Variants in ERCC2 observed in about 807,000 individuals in gnomAD.
ERCC2 encodes ERCC excision repair 2, TFIIH core complex helicase subunit, also known as general transcription and DNA repair factor IIH helicase subunit XPD.
A neutral mutation model predicts 99.4 loss-of-function variants in ERCC2; 90 were observed. The observed-to-expected ratio is 0.91, with a 90% CI of 0.76 to 1.08. The LOEUF (loss-of-function observed/expected upper bound fraction) is 1.08, where lower values mean the gene tolerates loss of function less well. Among genes scored for constraint, ERCC2 ranks in the 50% least tolerant of loss-of-function variants. The pLI, the probability that ERCC2 is intolerant of heterozygous loss-of-function variation, is 0.00. For missense variants in ERCC2, 993 were observed against 1,038.1 expected, an observed-to-expected ratio of 0.96 and a Z score of 0.60; for synonymous variants, 497 against 432.4, an observed-to-expected ratio of 1.15 and a Z score of -1.85.
intron 12 of ERCC2, chr19:45,358,826 T>C (rs781263157): frequency 1.5e-5 from 12 of 780,880 alleles, no homozygotes; most frequent in Middle Eastern, 2.3e-4. Flanking sequence ...TCTTTGCTAC[T>C]GGTTTTCCCA....
At chr19:45,354,987 C>CCT in intron 16 of ERCC2, 136 bp from the exon 17 acceptor site, 1 of 1,140,252 alleles carries the variant, frequency 8.8e-7, no homozygotes, top group Non-Finnish European at 1.3e-6. Context: ...CTCCTCCTCC[C>CCT]GGGCGTGTCT....
chr19:45,350,769 A>T lies in ERCC2; in HGVS notation c.*860T>A, dbSNP rs1331134533. Reference sequence around the variant, plus strand: ...CCGGGTGAGTGTTGATCAGGTCGGCAAAGAGCCCTGACATCAGCAGAATCC... The same window carrying T: ...CCGGGTGAGTGTTGATCAGGTCGGCTAAGAGCCCTGACATCAGCAGAATCC... On this transcript the variant is annotated 3_prime_UTR_variant, in exon 23 of 23. Transcript: ENST00000391945. 1 of 1,594,680 alleles carries T rather than the reference A, an allele frequency of 6.3e-7. No individual in the cohort carries two copies. Among genetic ancestry groups the T allele is most frequent in the South Asian group, 1.1e-5 (1 of 88,818 alleles).
rs1365162227 is a variant in ERCC2 at position 45,368,948 on chromosome 19, A to G, written c.228T>C (p.Thr76=). Residue 76 remains threonine (T), a synonymous_variant, in exon 4 of 23, where the codon ACT becomes ACC. Transcript: ENST00000391945. ...AGCTTACCTTCTCAATCTCTGGCAC[A>G]GTTCTTGAGCAGTAGATGAGTTTGG... ...EVTKLIYCSR[T]VPEIEKVIEE... The G allele has an allele frequency of 6.2e-7, 1 of 1,614,100 alleles. No homozygotes were observed. Among genetic ancestry groups the G allele is most frequent in the African/African-American group, 1.3e-5 (1 of 74,926 alleles).
chr19:45,350,459 C>CCTCCTGGTGGCTT lies in ERCC2; in HGVS notation c.*1157_*1169dup, dbSNP rs774530370. 2.5e-6 allele frequency: 4 copies of CCTCCTGGTGGCTT among 1,612,966 alleles called. No individual in the cohort carries two copies. The Admixed American group carries it at 6.7e-5, about 27-fold the overall frequency. ...GAGCCCCTAGCCCCTGTCTGTCTTC[C>CCTCCTGGTGGCTT]CTCCTGGTGGCTTCTCTATGTCCCC... On this transcript the variant is annotated 3_prime_UTR_variant, in exon 23 of 23. Transcript: ENST00000391945.
chr19:45,360,777 C>A (rs1972192408), intron 12 of ERCC2, among the ~76,000 whole-genome samples: 1 of 152,090 alleles, frequency 6.6e-6, no homozygotes, highest in Admixed American at 6.5e-5. Flanking sequence ...CCTAACCATT[C>A]CAAAGTGCTG....
At chr19:45,363,285 G>T (rs1318066840) in intron 11 of ERCC2, among the ~76,000 whole-genome samples, 2 of 152,032 alleles carry the variant, frequency 1.3e-5, no homozygotes, top group South Asian at 2.1e-4. Context: ...TACATGGGCC[G>T]GGGACACCTC....
intron 12 of ERCC2, among the ~76,000 whole-genome samples, chr19:45,360,524 CCCA>C (rs915355788): frequency 6.6e-6 from 1 of 151,908 alleles, no homozygotes; most frequent in Non-Finnish European, 1.5e-5. Context: ...ATTACAGGAG[CCCA>C]CCATCACACC....
rs1971678622 is a variant in ERCC2 at position 45,350,436 on chromosome 19, G to GC, written c.*1192dup. On this transcript the variant is annotated 3_prime_UTR_variant, in exon 23 of 23. Coordinates refer to ENST00000391945, the MANE Select transcript of ERCC2 (RefSeq NM_000400.4). The stretch of plus-strand genomic sequence containing the variant: ...AGGACCTACCCGCCCCTCTCGGTGA[G>GC]CCCCTAGCCCCTGTCTGTCTTCCCT... 1 of 1,612,882 alleles carries GC rather than the reference G, an allele frequency of 6.2e-7. No individual in the cohort carries two copies. Among genetic ancestry groups the GC allele is most frequent in the Admixed American group, 1.7e-5 (1 of 59,902 alleles).
rs1324809493 is a variant in ERCC2 at position 45,357,781 on chromosome 19, C to T, written c.1238-82G>A. Reference sequence around the variant, plus strand: ...CACTCAGTCATTCCCTCTCCTGCTCCCTCGCTTCACCCCAATCTCCACCCC... The same window carrying T: ...CACTCAGTCATTCCCTCTCCTGCTCTCTCGCTTCACCCCAATCTCCACCCC... On this transcript the variant is annotated intron_variant, in intron 12 of 22. Coordinates refer to ENST00000391945, the MANE Select transcript of ERCC2 (RefSeq NM_000400.4). The T allele has an allele frequency of 1.6e-6, 2 of 1,229,768 alleles. 1 individual carries two copies. Among genetic ancestry groups the T allele is most frequent in the Admixed American group, 3.7e-5 (2 of 54,070 alleles). The allele number at this position is 1,229,768 out of a possible 1,614,324, so 76.2% of individuals were successfully genotyped here. A position where few individuals can be genotyped will look rare whatever the true frequency, so the allele number is the denominator to read the frequency against.
chr19:45,360,557 T>C (rs1972184166), intron 12 of ERCC2, among the ~76,000 whole-genome samples: 1 of 151,934 alleles, frequency 6.6e-6, no homozygotes. Flanking sequence ...GTTGTATTTT[T>C]AGTAGAGACA....
At position 45,352,491 on chromosome 19, in the gene ERCC2, C is replaced by A. The variant is rs1381996641; in HGVS notation, c.2046+15G>T. On this transcript the variant is annotated intron_variant, in intron 21 of 22. Transcript: ENST00000391945. ...AGCCTGGGATGGGAGCACAGGGGCA[C>A]CCCTGAAGCTGCACCTTGTCGGCAA... The A allele has an allele frequency of 2.5e-6, 4 of 1,614,020 alleles. No homozygotes were observed. Among genetic ancestry groups the A allele is most frequent in the Non-Finnish European group, 3.4e-6 (4 of 1,180,040 alleles).
chr19:45,353,176 C>A, intron 18 of ERCC2, 21 bp from the exon 19 acceptor site: 1 of 1,613,830 alleles, frequency 6.2e-7, no homozygotes, highest in Non-Finnish European at 8.5e-7. Flanking sequence ...GAGACCGAGA[C>A]GCAAGTTAGG....
rs1389439308 is a variant in ERCC2 at position 45,365,111 on chromosome 19, G to A, written c.408C>T (p.Ser136=). Residue 136 remains serine (S), a synonymous_variant, in exon 6 of 23, where the codon AGC becomes AGT. Transcript: ENST00000391945. ...GCGCCCGCACATAGGAGGCTGTGAG[G>A]CTGTGGCATTTCCCATCGACGTCCT... The part of the protein sequence containing the change: ...FGKDVDGKCH[S]LTASYVRAQY... The A allele has an allele frequency of 6.2e-7, 1 of 1,614,082 alleles. No homozygotes were observed. The highest frequency in any genetic ancestry group is 8.5e-7 in the Non-Finnish European group (1 of 1,180,036).
intron 11 of ERCC2, among the ~76,000 whole-genome samples, chr19:45,362,123 A>C (rs1013116896): frequency 6.6e-6 from 1 of 151,706 alleles, no homozygotes; most frequent in Non-Finnish European, 1.5e-5. Context: ...ACGGACTTTC[A>C]CTATGTTGGC....
chr19:45,351,846 T>G, intron 22 of ERCC2, 125 bp from the exon 23 acceptor site: 1 of 842,870 alleles, frequency 1.2e-6, no homozygotes, highest in Non-Finnish European at 1.9e-6. Context: ...AATTTGGAGA[T>G]GTCCGTATAA....
rs1289985951 is a variant in ERCC2, at chr19:45,350,040, C to T, written c.*1589G>A. 1 of 461,260 alleles carries T rather than the reference C, an allele frequency of 2.2e-6. No homozygotes were observed. The highest frequency in any genetic ancestry group is 2.8e-5 in the South Asian group (1 of 35,842). 28.6% of individuals were successfully genotyped at this position (461,260 alleles called of 1,614,324 possible). Reference sequence around the variant, plus strand: ...AACAGGAGGCTGCCTGTCCTCCATCCCCAGGGCAGGAAGTAAGGCCGAGCT... The same window carrying T: ...AACAGGAGGCTGCCTGTCCTCCATCTCCAGGGCAGGAAGTAAGGCCGAGCT... On this transcript the variant is annotated 3_prime_UTR_variant, in exon 23 of 23. Coordinates refer to ENST00000391945, the MANE Select transcript of ERCC2 (RefSeq NM_000400.4).
intron 11 of ERCC2, chr19:45,361,948 C>G (rs937705697): frequency 5.3e-6 from 2 of 375,344 alleles, no homozygotes; most frequent in East Asian, 5.8e-5. Flanking sequence ...TCTTTTTTTT[C>G]TTTGTTCAGA....
rs1436818341 is a variant in ERCC2 at position 45,350,383 on chromosome 19, G to A, written c.*1246C>T. On this transcript the variant is annotated 3_prime_UTR_variant, in exon 23 of 23. Coordinates refer to ENST00000391945, the MANE Select transcript of ERCC2 (RefSeq NM_000400.4). ...ACAGAACAAGTATCAACAAGCGGAA[G>A]AGCTGTACAAAGAAATCCTCCACAA... 6 of 1,613,758 alleles carry A rather than the reference G, an allele frequency of 3.7e-6. No individual in the cohort carries two copies. Among genetic ancestry groups the A allele is most frequent in the South Asian group, 3.3e-5 (3 of 91,042 alleles).
chr19:45,362,735 C>G (rs574229462), intron 11 of ERCC2, among the ~76,000 whole-genome samples: 46 of 152,368 alleles, frequency 3.0e-4, no homozygotes, highest in Admixed American at 1.0e-3. Flanking sequence ...GAGATCCCCT[C>G]TTTGCCCTCA....
Sources: allele counts gnomAD v4.1 joint callset (sites outside exome capture counted in the v4.1 genomes callset), GRCh38; gene constraint gnomAD v4.1.1; transcripts MANE v1.5; gene names NCBI Gene and HGNC (gene_info 2026-07-23, HGNC 2026-07-21).